Variants in SIAH3 observed in about 807,000 individuals in gnomAD.
SIAH3 encodes siah E3 ubiquitin protein ligase family member 3, also known as seven in absentia homolog 3.
In SIAH3, 9 loss-of-function variants were observed where a neutral mutation model predicts 12.6. The observed-to-expected ratio is 0.72, with a 90% CI of 0.43 to 1.25. SIAH3 has a LOEUF of 1.25. Among genes scored for constraint, SIAH3 ranks in the 50% most tolerant of loss-of-function variants. The pLI, the probability that SIAH3 is intolerant of heterozygous loss-of-function variation, is 0.00. For missense variants in SIAH3, 390 were observed against 365.4 expected (o/e 1.07, Z -0.55); for synonymous variants, 154 against 151.1 (o/e 1.02, Z -0.14).
chr13:45,833,104 C>T (rs1250046809), intron 1 of SIAH3, among the ~76,000 whole-genome samples: 1 of 152,236 alleles, frequency 6.6e-6, no homozygotes, highest in Non-Finnish European at 1.5e-5. Flanking sequence ...GGACCTCTCC[C>T]ATGAGGTACC....
At chr13:45,851,182 C>T (rs184336073) in intron 1 of SIAH3, among the ~76,000 whole-genome samples, 66 of 152,194 alleles carry the variant, frequency 4.3e-4, no homozygotes, top group African/African-American at 1.5e-3. Context: ...GATGGGGACG[C>T]CCCCCTGTTC....
intron 1 of SIAH3, among the ~76,000 whole-genome samples, chr13:45,785,250 T>C (rs1176402166): frequency 6.6e-6 from 1 of 152,184 alleles, no homozygotes; most frequent in Non-Finnish European, 1.5e-5. Flanking sequence ...AGCTCTGCAG[T>C]GCGCTCCAGG....
Position 45,783,725 on chromosome 13 carries a change from C to A in SIAH3, c.468G>T (p.Trp156Cys), listed in dbSNP as rs771148880. The change falls in exon 2 of 2, where the codon TGG becomes TGT. Residue 156 changes from tryptophan (W) to cysteine (C), a missense_variant. Coordinates refer to ENST00000400405, the MANE Select transcript of SIAH3 (RefSeq NM_198849.3). ...GGCCAAGGCAGGAGTGCATGATGAT[C>A]CAATCAGCCGGCGCGGGGAGGTGCA... ...TDMHLPAPAD[W>C]IIMHSCLGHH... 2 of 1,614,124 alleles carry A rather than the reference C, an allele frequency of 1.2e-6. No individual in the cohort carries two copies. The highest frequency in any genetic ancestry group is 2.2e-5 in the South Asian group (2 of 91,078).
intron 1 of SIAH3, among the ~76,000 whole-genome samples, chr13:45,800,417 C>T (rs113447790): frequency 1.6e-4 from 24 of 152,324 alleles, no homozygotes; most frequent in African/African-American, 5.8e-4. Context: ...TTCATCGATT[C>T]AGCAAACCTG....
chr13:45,793,941 A>G (rs1950554399), intron 1 of SIAH3, among the ~76,000 whole-genome samples: 1 of 152,234 alleles, frequency 6.6e-6, no homozygotes, highest in Admixed American at 6.5e-5. Context: ...ACATATGAGG[A>G]GAAGACACGG....
Position 45,785,116 on chromosome 13 carries a change from C to T in SIAH3, c.136-1059G>A, listed in dbSNP as rs141971343. Among the ~76,000 whole-genome samples the T allele has an allele frequency of 2.6e-4, 39 of 152,220 alleles. 2 individuals carry two copies. Among genetic ancestry groups the T allele is most frequent in the Admixed American group, 2.6e-3 (39 of 15,286 alleles). On this transcript the variant is annotated intron_variant, in intron 1 of 1. Transcript: ENST00000400405. ...AGACTGGGATTCATCTTCACGCCCC[C>T]TGACTCTGAACACAAGAGCACACCC...
intron 1 of SIAH3, among the ~76,000 whole-genome samples, chr13:45,843,967 A>C (rs1016571867): frequency 2.0e-5 from 3 of 152,246 alleles, no homozygotes; most frequent in Admixed American, 1.3e-4. Flanking sequence ...TCTCATTCCC[A>C]AAAGATTAAA....
chr13:45,787,808 G>C (rs898345366), intron 1 of SIAH3, among the ~76,000 whole-genome samples: 5 of 152,196 alleles, frequency 3.3e-5, no homozygotes, highest in Non-Finnish European at 7.3e-5. Context: ...GCTTTAGGGA[G>C]CTACTGTGGG....
chr13:45,827,770 G>A (rs1377718281), intron 1 of SIAH3, among the ~76,000 whole-genome samples: 1 of 152,184 alleles, frequency 6.6e-6, no homozygotes, highest in South Asian at 2.1e-4. Context: ...TGATACCAAA[G>A]CAACATTTCC....
At chr13:45,816,047 G>A (rs1950633349) in intron 1 of SIAH3, among the ~76,000 whole-genome samples, 1 of 152,250 alleles carries the variant, frequency 6.6e-6, no homozygotes, top group Admixed American at 6.5e-5. Context: ...AGGAAACCGA[G>A]GCACAGAGAA....
chr13:45,843,298 G>A (rs1464292179), intron 1 of SIAH3, among the ~76,000 whole-genome samples: 1 of 152,054 alleles, frequency 6.6e-6, no homozygotes, highest in African/African-American at 2.4e-5. Context: ...ACAGGGACAT[G>A]CAGTTTCTGC....
chr13:45,792,949 G>C (rs1179575717), intron 1 of SIAH3, among the ~76,000 whole-genome samples: 1 of 151,484 alleles, frequency 6.6e-6, no homozygotes, highest in Non-Finnish European at 1.5e-5. Flanking sequence ...TGTGTAGTTA[G>C]ACTTTCATAT....
intron 1 of SIAH3, among the ~76,000 whole-genome samples, chr13:45,793,652 T>C (rs533206498): frequency 4.0e-5 from 6 of 151,776 alleles, no homozygotes; most frequent in African/African-American, 1.2e-4. Flanking sequence ...CTCCTCCCCA[T>C]TGACCTGTTA....
At chr13:45,809,690 TA>T (rs1034276200) in intron 1 of SIAH3, among the ~76,000 whole-genome samples, 7 of 152,198 alleles carry the variant, frequency 4.6e-5, no homozygotes, top group African/African-American at 1.7e-4. Context: ...AATGCTTTTA[TA>T]AAAAATACAA....
chr13:45,813,230 G>A (rs184410458), intron 1 of SIAH3, among the ~76,000 whole-genome samples: 110 of 150,792 alleles, frequency 7.3e-4, no homozygotes, highest in African/African-American at 2.7e-3. Context: ...GGAACATGGT[G>A]AGCCTATATC....
At chr13:45,850,960 CACACGA>C (rs1950778790) in intron 1 of SIAH3, among the ~76,000 whole-genome samples, 1 of 136,550 alleles carries the variant, frequency 7.3e-6, no homozygotes, top group Admixed American at 7.0e-5. Context: ...CACACACACA[CACACGA>C]GTCTGAGGAC....
chr13:45,782,434 A>T lies in SIAH3; in HGVS notation c.*949T>A, dbSNP rs567494410. On this transcript the variant is annotated 3_prime_UTR_variant, in exon 2 of 2. Transcript: ENST00000400405. ...GAGTCCTGGTTCTGCTTTTTGCATG[A>T]TATGAAAGAACTGCACCCTAGGGAG... 6.6e-6 allele frequency: 1 copy of T among 152,260 alleles called. No individual in the cohort carries two copies. The highest frequency in any genetic ancestry group is 2.4e-5 in the African/African-American group (1 of 41,548). The allele number at this position is 152,260 out of a possible 1,614,324, so 9.4% of individuals were successfully genotyped here. A position where few individuals can be genotyped will look rare whatever the true frequency, so the allele number is the denominator to read the frequency against.
In SIAH3 at chr13:45,796,066, T is replaced by C. The variant is rs144455703; in HGVS notation, c.136-12009A>G. Among the ~76,000 whole-genome samples the C allele has an allele frequency of 1.2e-4, 19 of 152,292 alleles. No homozygotes were observed. In the East Asian group the frequency reaches 3.5e-3, roughly 28 times the overall value. ...CTTGAACAGTGGTTATCTTTGTGTG[T>C]GGACATATTGACTTGGTGGGACCCG... On this transcript the variant is annotated intron_variant, in intron 1 of 1. Coordinates refer to ENST00000400405, the MANE Select transcript of SIAH3 (RefSeq NM_198849.3).
At chr13:45,835,150 TCA>T (rs1950713554) in intron 1 of SIAH3, among the ~76,000 whole-genome samples, 2 of 152,178 alleles carry the variant, frequency 1.3e-5, no homozygotes. Context: ...TTGAATATAC[TCA>T]CAAACAAATC....
Sources: gnomAD v4.1 joint callset for allele counts (sites outside exome capture counted in the v4.1 genomes callset) on GRCh38, gnomAD v4.1.1 for gene constraint, MANE v1.5 for transcripts, NCBI Gene and HGNC (gene_info 2026-07-23, HGNC 2026-07-21) for gene names.